The following CEP162 variants were observed in gnomAD, a reference collection of about 807,000 sequenced individuals.
CEP162 encodes the protein centrosomal protein 162.
CEP162 carries 141 observed loss-of-function variants against 169.2 expected under a neutral mutation model. The ratio of observed to expected loss-of-function variants is 0.83; its 90% confidence interval spans 0.73 to 0.96. The LOEUF (loss-of-function observed/expected upper bound fraction) is 0.96. Among genes scored for constraint, CEP162 ranks in the 40% least tolerant of loss-of-function variants. The pLI is 0.00. For missense variants in CEP162, 1,600 were observed against 1,587.2 expected, an observed-to-expected ratio of 1.01 and a Z score of -0.14; for synonymous variants, 540 against 526.4, an observed-to-expected ratio of 1.03 and a Z score of -0.35.
intron 21 of CEP162, among the ~76,000 whole-genome samples, chr6:84,159,883 A>G (rs544454747): frequency 6.6e-6 from 1 of 151,898 alleles, no homozygotes; most frequent in Non-Finnish European, 1.5e-5. Flanking sequence ...CGCCTGGCCA[A>G]ATATTTCTAG....
chr6:84,201,094 C>T (rs563527675), intron 8 of CEP162, among the ~76,000 whole-genome samples, 189 bp from the exon 9 acceptor site: 28 of 152,172 alleles, frequency 1.8e-4, no homozygotes, highest in Middle Eastern at 6.8e-3. Flanking sequence ...CTGGCTAACA[C>T]GGTGAAACCC....
chr6:84,188,194 T>A (rs1234859145), intron 11 of CEP162, among the ~76,000 whole-genome samples: 4 of 150,462 alleles, frequency 2.7e-5, no homozygotes, highest in Non-Finnish European at 5.9e-5. Context: ...GAGAAAAAAA[T>A]TAGAGGGACA....
At chr6:84,178,442 C>A (rs1458847403) in intron 13 of CEP162, among the ~76,000 whole-genome samples, 12 of 151,984 alleles carry the variant, frequency 7.9e-5, no homozygotes, top group South Asian at 4.2e-4. Flanking sequence ...ATTCATTAAC[C>A]ATTTTATTTA....
chr6:84,203,158 C>A (rs1413836404), intron 7 of CEP162, among the ~76,000 whole-genome samples: 1 of 152,146 alleles, frequency 6.6e-6, no homozygotes, highest in Non-Finnish European at 1.5e-5. Context: ...GAAGTAGTAG[C>A]CCTGAACAAT....
chr6:84,187,228 C>T (rs2099537551), intron 11 of CEP162, among the ~76,000 whole-genome samples: 1 of 152,004 alleles, frequency 6.6e-6, no homozygotes, highest in Non-Finnish European at 1.5e-5. Flanking sequence ...TATTAAATAC[C>T]TAGAAGATAC....
chr6:84,173,771 C>T (rs1346802605), intron 16 of CEP162, among the ~76,000 whole-genome samples: 1 of 150,516 alleles, frequency 6.6e-6, no homozygotes, highest in Non-Finnish European at 1.5e-5. Context: ...GCAATCTCTG[C>T]CTCCTAGGTT....
intron 11 of CEP162, among the ~76,000 whole-genome samples, chr6:84,189,359 AG>A (rs2099538699): frequency 6.6e-6 from 1 of 152,004 alleles, no homozygotes; most frequent in South Asian, 2.1e-4. Context: ...GCTTGCAGGG[AG>A]GTGTGGAGGG....
At chr6:84,217,193 C>G (rs1165513526) in intron 3 of CEP162, among the ~76,000 whole-genome samples, 2 of 152,140 alleles carry the variant, frequency 1.3e-5, no homozygotes, top group South Asian at 4.1e-4. Flanking sequence ...AAACAAAAAT[C>G]CCTGCTTATT....
intron 10 of CEP162, among the ~76,000 whole-genome samples, chr6:84,193,911 A>G (rs537766244): frequency 6.6e-6 from 1 of 152,206 alleles, no homozygotes; most frequent in Non-Finnish European, 1.5e-5. Flanking sequence ...ATATTTATCA[A>G]AAAATATCTA....
intron 18 of CEP162, 137 bp from the exon 19 acceptor site, chr6:84,163,407 C>T (rs764294620): frequency 7.9e-6 from 5 of 633,190 alleles, no homozygotes; most frequent in Non-Finnish European, 1.4e-5. Context: ...ATTACTACCA[C>T]CTGCCCCACC....
intron 5 of CEP162, among the ~76,000 whole-genome samples, chr6:84,214,187 G>A (rs2099550643): frequency 6.6e-6 from 1 of 152,182 alleles, no homozygotes; most frequent in African/African-American, 2.4e-5. Context: ...GCTGAGGCAG[G>A]AGAATGGTGT....
At chr6:84,126,309 A>G in intron 26 of CEP162, 69 bp downstream of exon 26, 1 of 1,209,626 alleles carries the variant, frequency 8.3e-7, no homozygotes, top group Non-Finnish European at 1.1e-6. Context: ...AGGGATGACA[A>G]AACTATAGCA....
intron 6 of CEP162, 139 bp from the exon 7 acceptor site, chr6:84,204,235 G>C: frequency 1.8e-6 from 1 of 546,196 alleles, no homozygotes; most frequent in Non-Finnish European, 3.2e-6. Flanking sequence ...TGTCTTTAGA[G>C]AATCTACAGA....
At chr6:84,211,735 G>A (rs2099549570) in intron 6 of CEP162, among the ~76,000 whole-genome samples, 1 of 151,728 alleles carries the variant, frequency 6.6e-6, no homozygotes, top group South Asian at 2.1e-4. Flanking sequence ...CAGAGGGCAG[G>A]AAGCGGAAAG....
At chr6:84,205,377 A>C (rs1411746396) in intron 6 of CEP162, among the ~76,000 whole-genome samples, 2 of 152,228 alleles carry the variant, frequency 1.3e-5, no homozygotes, top group Admixed American at 1.3e-4. Flanking sequence ...CACCACGATC[A>C]AGTTGGCTTC....
chr6:84,143,730 A>G (rs1464136375), intron 25 of CEP162, among the ~76,000 whole-genome samples: 1 of 152,022 alleles, frequency 6.6e-6, no homozygotes, highest in African/African-American at 2.4e-5. Context: ...CTTAATGTCA[A>G]AAGTACAGTG....
chr6:84,165,993 T>C (rs1403418343), intron 18 of CEP162, among the ~76,000 whole-genome samples: 2 of 152,192 alleles, frequency 1.3e-5, no homozygotes, highest in African/African-American at 4.8e-5. Flanking sequence ...AAGTTATCTA[T>C]TAGTGTCTAC....
chr6:84,155,740 C>T, intron 21 of CEP162: 1 of 492,302 alleles, frequency 2.0e-6, no homozygotes, highest in Non-Finnish European at 3.6e-6. Flanking sequence ...GTGACACAAA[C>T]AAATAGAAAA....
chr6:84,134,919 T>TATACACACACACACAC (rs1457258897), intron 25 of CEP162, among the ~76,000 whole-genome samples: 1 of 148,256 alleles, frequency 6.7e-6, no homozygotes, highest in Admixed American at 6.7e-5. Context: ...AGATCATATA[T>TATACACACACACACAC]ACACACACAC....
Sources: gnomAD v4.1 joint callset for allele counts (sites outside exome capture counted in the v4.1 genomes callset) on GRCh38, gnomAD v4.1.1 for gene constraint, MANE v1.5 for transcripts, NCBI Gene and HGNC (gene_info 2026-07-23, HGNC 2026-07-21) for gene names.